The following FAM107B variants were observed in gnomAD, a reference collection of about 807,000 sequenced individuals.
FAM107B encodes the protein family with sequence similarity 107 member B.
A neutral mutation model predicts 31.5 loss-of-function variants in FAM107B; 21 were observed. The observed-to-expected ratio is 0.67, with a 90% CI of 0.47 to 0.96. FAM107B has a LOEUF of 0.96. FAM107B is among the 40% of genes least tolerant of loss of function. The probability of loss-of-function intolerance (pLI) is 0.00; values close to 1 mark genes in which losing one functional copy is unlikely to be tolerated. For missense variants in FAM107B, 452 were observed against 377.1 expected (o/e 1.20, Z -1.64); for synonymous variants, 157 against 141.5 (o/e 1.11, Z -0.78).
chr10:14,699,133 C>A (rs1564629756), intron 1 of FAM107B, among the ~76,000 whole-genome samples: 1 of 152,076 alleles, frequency 6.6e-6, no homozygotes, highest in Non-Finnish European at 1.5e-5. Context: ...TAGGAAGTAA[C>A]AGGTTCTGGT....
intron 2 of FAM107B, among the ~76,000 whole-genome samples, chr10:14,643,490 G>C (rs1013594817): frequency 1.3e-5 from 2 of 150,810 alleles, no homozygotes; most frequent in Non-Finnish European, 2.9e-5. Flanking sequence ...GTTCACTGCA[G>C]TCTCCACCTC....
chr10:14,629,409 A>AACATATATT (rs1564606755), intron 2 of FAM107B, among the ~76,000 whole-genome samples: 18 of 1,110 alleles, frequency 0.016, 1 homozygote, highest in Non-Finnish European at 0.078. Context: ...TTATATATTT[A>AACATATATT]ATATATATAA....
chr10:14,522,096 A>C, intron 3 of FAM107B, 77 bp from the exon 4 acceptor site: 1 of 1,533,952 alleles, frequency 6.5e-7, no homozygotes, highest in South Asian at 1.3e-5. Flanking sequence ...TTTAACTTAC[A>C]ATATCAACCA....
intron 1 of FAM107B, among the ~76,000 whole-genome samples, chr10:14,678,793 C>T (rs1463017538): frequency 6.6e-6 from 1 of 152,210 alleles, no homozygotes; most frequent in Non-Finnish European, 1.5e-5. Context: ...TCTTCTGTGT[C>T]CTCAGCCCTC....
intron 2 of FAM107B, among the ~76,000 whole-genome samples, chr10:14,629,317 A>AAT (rs1853263321): frequency 1.1e-5 from 1 of 90,260 alleles, no homozygotes; most frequent in Non-Finnish European, 2.2e-5. Flanking sequence ...AATATATATA[A>AAT]TATATAAATT....
intron 1 of FAM107B, among the ~76,000 whole-genome samples, chr10:14,677,020 T>G (rs191805676): frequency 3.9e-4 from 59 of 152,234 alleles, no homozygotes; most frequent in African/African-American, 1.4e-3. Flanking sequence ...GAGCTCTCTG[T>G]GAAGTTGGCT....
intron 1 of FAM107B, among the ~76,000 whole-genome samples, chr10:14,734,488 G>GTGTTTTTGTTTTTTTTTTTTTTT (rs558940939): frequency 7.2e-5 from 10 of 138,560 alleles, no homozygotes; most frequent in South Asian, 2.3e-4. Context: ...TTTTTGTGAG[G>GTGTTTTTGTTTTTTTTTTTTTTT]TTTTTTTTTT....
intron 2 of FAM107B, among the ~76,000 whole-genome samples, chr10:14,593,510 T>C (rs566029366): frequency 5.1e-4 from 78 of 152,132 alleles, no homozygotes; most frequent in Admixed American, 3.1e-3. Flanking sequence ...AAACCCCATG[T>C]CTAATAAAAA....
chr10:14,643,095 T>C (rs1201765984), intron 2 of FAM107B, among the ~76,000 whole-genome samples: 1 of 124,894 alleles, frequency 8.0e-6, no homozygotes, highest in Non-Finnish European at 1.7e-5. Context: ...ACAGAACTGA[T>C]TGGAGATAGG....
intron 2 of FAM107B, among the ~76,000 whole-genome samples, chr10:14,592,712 C>T (rs554582005): frequency 2.2e-4 from 33 of 152,342 alleles, no homozygotes; most frequent in African/African-American, 7.7e-4. Flanking sequence ...CTCTTCAAGG[C>T]ATGTGCCAGT....
At chr10:14,610,160 G>A (rs1382464656) in intron 2 of FAM107B, among the ~76,000 whole-genome samples, 2 of 152,090 alleles carry the variant, frequency 1.3e-5, no homozygotes, top group Non-Finnish European at 2.9e-5. Context: ...TGGCTAACAC[G>A]GTGAAACCCC....
chr10:14,547,381 T>G (rs1437507209), intron 2 of FAM107B, among the ~76,000 whole-genome samples: 1 of 152,126 alleles, frequency 6.6e-6, no homozygotes, highest in Non-Finnish European at 1.5e-5. Flanking sequence ...ATTTTGTAAG[T>G]TTTTCATCTC....
intron 2 of FAM107B, among the ~76,000 whole-genome samples, chr10:14,570,233 G>GGTGGGTGTGTGTGTGTGTGTGTGTGT (rs768204428): frequency 8.6e-5 from 12 of 140,340 alleles, no homozygotes; most frequent in Admixed American, 7.6e-4. Flanking sequence ...AAATGTGGTG[G>GGTGGGTGTGTGTGTGTGTGTGTGTGT]GTGTGTGTGT....
intron 2 of FAM107B, among the ~76,000 whole-genome samples, chr10:14,577,465 C>G (rs1448382284): frequency 6.6e-6 from 1 of 152,210 alleles, no homozygotes; most frequent in South Asian, 2.1e-4. Context: ...TTGCCTTTTA[C>G]AGCTACGTAT....
intron 2 of FAM107B, among the ~76,000 whole-genome samples, chr10:14,610,868 T>G (rs1048555451): frequency 3.9e-5 from 6 of 152,238 alleles, no homozygotes; most frequent in African/African-American, 1.4e-4. Context: ...CTAGAGAGTT[T>G]AAAAATTCAG....
At chr10:14,679,573 C>G (rs1357201817) in intron 1 of FAM107B, among the ~76,000 whole-genome samples, 2 of 152,336 alleles carry the variant, frequency 1.3e-5, no homozygotes, top group East Asian at 1.9e-4. Context: ...CCTTTCACCC[C>G]CTTCTGGTAA....
intron 1 of FAM107B, among the ~76,000 whole-genome samples, chr10:14,710,973 C>T (rs571130058): frequency 2.3e-4 from 35 of 150,346 alleles, no homozygotes; most frequent in African/African-American, 7.8e-4. Flanking sequence ...AGTGCAGTGG[C>T]GAGATCTCAG....
chr10:14,552,883 T>G (rs1380232427), intron 2 of FAM107B, among the ~76,000 whole-genome samples: 1 of 152,154 alleles, frequency 6.6e-6, no homozygotes, highest in Non-Finnish European at 1.5e-5. Context: ...AAACTAATTT[T>G]ATGACCCACT....
intron 1 of FAM107B, among the ~76,000 whole-genome samples, chr10:14,772,355 A>AC (rs1833323216): frequency 7.0e-6 from 1 of 143,650 alleles, no homozygotes; most frequent in African/African-American, 2.9e-5. Context: ...CTCCATCTTA[A>AC]AAAAAAAATA....
Sources: allele counts gnomAD v4.1 joint callset (sites outside exome capture counted in the v4.1 genomes callset), GRCh38; gene constraint gnomAD v4.1.1; transcripts MANE v1.5; gene names NCBI Gene and HGNC (gene_info 2026-07-23, HGNC 2026-07-21).